Variants in XIRP2 observed in about 807,000 individuals in gnomAD.
The protein encoded by XIRP2 is xin actin-binding repeat-containing protein 2.
In XIRP2, 236 loss-of-function variants were observed where a neutral mutation model predicts 277.0. The ratio of observed to expected loss-of-function variants is 0.85; its 90% CI spans 0.77 to 0.95. The LOEUF (loss-of-function observed/expected upper bound fraction) is 0.95. Among genes scored for constraint, XIRP2 ranks in the 40% least tolerant of loss-of-function variants. The probability of loss-of-function intolerance (pLI) is 0.00; values close to 1 mark genes in which losing one functional copy is unlikely to be tolerated. For missense variants in XIRP2, 4,640 were observed against 4,157.5 expected, an observed-to-expected ratio of 1.12 and a Z score of -3.19; for synonymous variants, 1,490 against 1,416.5, an observed-to-expected ratio of 1.05 and a Z score of -1.17.
chr2:167,088,891 C>G (rs1448274432), intron 2 of XIRP2, among the ~76,000 whole-genome samples: 1 of 152,158 alleles, frequency 6.6e-6, no homozygotes, highest in African/African-American at 2.4e-5. Context: ...ACTCTGAATT[C>G]TCATGAATCT....
chr2:167,212,304 G>A (rs993588099), intron 4 of XIRP2, among the ~76,000 whole-genome samples: 1 of 152,126 alleles, frequency 6.6e-6, no homozygotes, highest in African/African-American at 2.4e-5. Context: ...AATGATTCAC[G>A]AGGAAACAGT....
intron 4 of XIRP2, among the ~76,000 whole-genome samples, chr2:167,214,290 AG>A (rs1573964428): frequency 2.0e-4 from 19 of 94,682 alleles, no homozygotes; most frequent in South Asian, 8.9e-4. Flanking sequence ...GGAGGGAGGG[AG>A]GGAGGGAGGA....
chr2:167,100,597 C>T (rs1157871608), intron 2 of XIRP2, among the ~76,000 whole-genome samples: 1 of 152,198 alleles, frequency 6.6e-6, no homozygotes, highest in Non-Finnish European at 1.5e-5. Context: ...TTAACAATTA[C>T]AGTCTATAAT....
At position 167,251,926 on chromosome 2, in the gene XIRP2, G is replaced by C; in HGVS notation, c.10534G>C (p.Glu3512Gln). The C allele has an allele frequency of 1.3e-6, 2 of 1,562,284 alleles. No homozygotes were observed. The highest frequency in any genetic ancestry group is 2.0e-5 in the Admixed American group (1 of 50,194). Reference sequence around the variant, plus strand: ...AACTGAGATGAGAACCACCTTCCAAGAGGAATCTGCATTTATAAGTGGTAA... The same window carrying C: ...AACTGAGATGAGAACCACCTTCCAACAGGAATCTGCATTTATAAGTGGTAA... ...SATEMRTTFQEESAFISEAAA... is the reference protein window; with the variant it reads ...SATEMRTTFQQESAFISEAAA... Residue 3512 changes from glutamate to glutamine, a missense_variant, in exon 9 of 11, where the codon GAG (glutamate) becomes CAG (glutamine). Transcript: ENST00000409195.
chr2:167,249,729 A>G lies in XIRP2; in HGVS notation c.8337A>G (p.Arg2779=), dbSNP rs751498611. Residue 2779 remains arginine (R), a synonymous_variant, in exon 9 of 11, where the codon AGA becomes AGG. Coordinates refer to ENST00000409195, the MANE Select transcript of XIRP2 (RefSeq NM_152381.6). ...ATCAGTTACCTAAGAAGGAGAAAAG[A>G]GTGACAGTACAATTGCCTACAGAAT... ...RHYQLPKKEK[R]VTVQLPTESI... is the part of the protein sequence containing the mutation. 6.2e-7 allele frequency: 1 copy of G among 1,613,480 alleles called. No homozygotes were observed. The highest frequency in any genetic ancestry group is 1.7e-5 in the Admixed American group (1 of 59,910).
At chr2:167,050,958 A>G (rs1574205733) in intron 2 of XIRP2, among the ~76,000 whole-genome samples, 1 of 152,004 alleles carries the variant, frequency 6.6e-6, no homozygotes, top group Admixed American at 6.6e-5. Flanking sequence ...CCTCCCTAAT[A>G]TATACACAAA....
intron 2 of XIRP2, among the ~76,000 whole-genome samples, chr2:167,115,502 T>A (rs978411590): frequency 6.6e-6 from 1 of 152,194 alleles, no homozygotes; most frequent in African/African-American, 2.4e-5. Context: ...GTCTTTGAAG[T>A]TGCCGTCCTT....
intron 2 of XIRP2, among the ~76,000 whole-genome samples, chr2:167,129,357 A>G (rs1418813714): frequency 2.0e-5 from 3 of 151,310 alleles, no homozygotes; most frequent in African/African-American, 7.3e-5. Context: ...GGACCTCTTC[A>G]CTCACGGATC....
At chr2:167,030,956 G>A (rs1410891890) in intron 2 of XIRP2, among the ~76,000 whole-genome samples, 1 of 149,872 alleles carries the variant, frequency 6.7e-6, no homozygotes, top group Admixed American at 6.7e-5. Context: ...GGCCTTCTTT[G>A]TGTTTCTTGA....
rs963222680 is a variant in XIRP2 at position 166,999,987 on chromosome 2, G to T, written c.408+96097G>T. Among the ~76,000 whole-genome samples, 14 of 152,224 alleles carry T rather than the reference G, an allele frequency of 9.2e-5. 1 individual carries two copies. In the South Asian group the frequency reaches 2.9e-3, roughly 32 times the overall value. ...AAAGATTTTACCTTAATTTTAAAAA[G>T]ATATTTGGCATAAAGTAGGCAACTA... On this transcript the variant is annotated intron_variant, in intron 2 of 10. Coordinates refer to ENST00000409195, the MANE Select transcript of XIRP2 (RefSeq NM_152381.6).
intron 3 of XIRP2, among the ~76,000 whole-genome samples, chr2:167,168,645 C>T (rs112330596): frequency 0.099 from 15,022 of 152,146 alleles, 787 homozygotes; most frequent in South Asian, 0.15. Context: ...GACGGAGTCT[C>T]GCTCTGTCGC....
At chr2:167,179,917 G>A (rs746274380) in intron 3 of XIRP2, among the ~76,000 whole-genome samples, 7 of 152,070 alleles carry the variant, frequency 4.6e-5, no homozygotes, top group African/African-American at 7.2e-5. Context: ...CAAAGTACTG[G>A]ATTACAGGCA....
Position 167,245,878 on chromosome 2 carries a change from A to T in XIRP2, c.4486A>T (p.Asn1496Tyr), listed in dbSNP as rs1695241830. 1 of 1,613,740 alleles carries T rather than the reference A, an allele frequency of 6.2e-7. No individual in the cohort carries two copies. Among genetic ancestry groups the T allele is most frequent in the Non-Finnish European group, 8.5e-7 (1 of 1,179,758 alleles). The change falls in exon 9 of 11, where the codon AAT becomes TAT. Residue 1496 changes from asparagine to tyrosine, a missense_variant. Coordinates refer to ENST00000409195, the MANE Select transcript of XIRP2 (RefSeq NM_152381.6). ...TAAGCAGGCTGTGTGGCTTTTTGAA[A>T]ATCGAACTTTCGATTCTATTATGGA... Reference protein sequence around the residue: ...DVKQAVWLFENRTFDSIMEAH... With the variant: ...DVKQAVWLFEYRTFDSIMEAH...
intron 5 of XIRP2, among the ~76,000 whole-genome samples, chr2:167,227,008 G>T (rs1559029973): frequency 6.6e-6 from 1 of 152,118 alleles, no homozygotes; most frequent in Admixed American, 6.6e-5. Flanking sequence ...GCATGATCAA[G>T]GAGCAGGGGG....
intron 3 of XIRP2, among the ~76,000 whole-genome samples, chr2:167,208,409 G>A (rs1317158491): frequency 2.0e-5 from 3 of 152,130 alleles, no homozygotes; most frequent in African/African-American, 7.2e-5. Context: ...CCGGGTTCAC[G>A]CCATTCTCCT....
chr2:166,931,577 A>G (rs947427187), intron 2 of XIRP2, among the ~76,000 whole-genome samples: 6 of 152,206 alleles, frequency 3.9e-5, no homozygotes, highest in Admixed American at 3.3e-4. Flanking sequence ...GAGCTTTTCC[A>G]TGTTACTGTG....
Position 167,259,322 on chromosome 2 carries a change from G to A in XIRP2, c.*1505G>A. The A allele has an allele frequency of 1.9e-6, 3 of 1,611,788 alleles. No homozygotes were observed. Among genetic ancestry groups the A allele is most frequent in the Non-Finnish European group, 2.5e-6 (3 of 1,179,128 alleles). On this transcript the variant is annotated 3_prime_UTR_variant, in exon 11 of 11. Transcript: ENST00000409195. ...GCAGTCAGAACAACTCACGGTGGAA[G>A]AGCAGATTAAAAGAAACAGGTGCTA... is the stretch of plus-strand genomic sequence containing the variant.
intron 3 of XIRP2, among the ~76,000 whole-genome samples, chr2:167,177,112 C>A (rs1277056294): frequency 2.6e-5 from 4 of 152,178 alleles, no homozygotes; most frequent in Admixed American, 2.6e-4. Flanking sequence ...TTTTAAATGT[C>A]ACACTAGCCC....
At chr2:167,007,695 TCTCTCTCTCA>T (rs1038082629) in intron 2 of XIRP2, among the ~76,000 whole-genome samples, 9 of 118,638 alleles carry the variant, frequency 7.6e-5, no homozygotes, top group African/African-American at 3.2e-4. Flanking sequence ...TCTCTCTCTC[TCTCTCTCTCA>T]CACACACACA....
Sources: allele counts gnomAD v4.1 joint callset (sites outside exome capture counted in the v4.1 genomes callset), GRCh38; gene constraint gnomAD v4.1.1; transcripts MANE v1.5; gene names NCBI Gene and HGNC (gene_info 2026-07-23, HGNC 2026-07-21).